The following LIMCH1 variants were observed in gnomAD, a reference collection of about 807,000 sequenced individuals.
The protein encoded by LIMCH1 is LIM and calponin homology domains-containing protein 1.
In LIMCH1, 113 loss-of-function variants were observed where a neutral mutation model predicts 176.5. That is an observed-to-expected ratio of 0.64 (90% CI 0.55 to 0.75). LIMCH1 has a LOEUF of 0.75. LIMCH1 is among the 30% of genes least tolerant of loss of function. The probability of loss-of-function intolerance (pLI) is 0.00; values close to 1 mark genes in which losing one functional copy is unlikely to be tolerated. For missense variants in LIMCH1, 1,674 were observed against 1,814.9 expected (o/e 0.92, Z 1.41); for synonymous variants, 619 against 645.9 (o/e 0.96, Z 0.63).
At chr4:41,642,018 T>C (rs1485391620) in intron 14 of LIMCH1, among the ~76,000 whole-genome samples, 1 of 152,126 alleles carries the variant, frequency 6.6e-6, no homozygotes, top group Non-Finnish European at 1.5e-5. Flanking sequence ...GCCCATTGGG[T>C]GAGATAATCA....
intron 3 of LIMCH1, among the ~76,000 whole-genome samples, chr4:41,527,975 A>G (rs1357543124): frequency 2.0e-5 from 3 of 152,204 alleles, no homozygotes; most frequent in Non-Finnish European, 2.9e-5. Context: ...TATTGAGACA[A>G]TTAGGGAAAT....
intron 1 of LIMCH1, among the ~76,000 whole-genome samples, chr4:41,403,188 T>G (rs2058639495): frequency 6.6e-6 from 1 of 152,010 alleles, no homozygotes; most frequent in African/African-American, 2.4e-5. Context: ...GACATTTTAT[T>G]ACTAAAATTT....
At chr4:41,366,811 C>T (rs1322305195) in intron 1 of LIMCH1, among the ~76,000 whole-genome samples, 4 of 152,160 alleles carry the variant, frequency 2.6e-5, no homozygotes, top group African/African-American at 4.8e-5. Context: ...CAAAGAGATG[C>T]CCATGCATCT....
chr4:41,653,513 A>G (rs1470449454), intron 18 of LIMCH1, among the ~76,000 whole-genome samples: 1 of 152,210 alleles, frequency 6.6e-6, no homozygotes, highest in Non-Finnish European at 1.5e-5. Context: ...TTCTTTTTAA[A>G]TAGTGTCTTT....
At chr4:41,415,805 G>A (rs1340454089) in intron 1 of LIMCH1, among the ~76,000 whole-genome samples, 3 of 151,110 alleles carry the variant, frequency 2.0e-5, no homozygotes, top group Non-Finnish European at 2.9e-5. Context: ...GTGAAACCCC[G>A]TGTCTACTAA....
intron 3 of LIMCH1, among the ~76,000 whole-genome samples, chr4:41,527,148 G>A (rs1465202078): frequency 6.6e-6 from 1 of 152,110 alleles, no homozygotes; most frequent in Admixed American, 6.6e-5. Flanking sequence ...GAAACCTTTA[G>A]TATTTATAGT....
chr4:41,541,876 C>T (rs1583749991), intron 1 of LIMCH1, among the ~76,000 whole-genome samples: 1 of 152,302 alleles, frequency 6.6e-6, no homozygotes, highest in East Asian at 1.9e-4. Flanking sequence ...GTAAACAGCC[C>T]CTTGGCTATT....
At chr4:41,613,041 A>T (rs1262399277) in intron 4 of LIMCH1, 1 of 1,552,070 alleles carries the variant, frequency 6.4e-7, no homozygotes, top group Non-Finnish European at 8.7e-7. Flanking sequence ...GCACAGCTAA[A>T]CCAGGGGCTC....
intron 21 of LIMCH1, among the ~76,000 whole-genome samples, chr4:41,666,905 G>A (rs188429098): frequency 5.3e-5 from 8 of 152,212 alleles, no homozygotes; most frequent in African/African-American, 1.9e-4. Context: ...GGCACTATAG[G>A]CACAATAGAG....
chr4:41,404,713 A>G (rs2058786032), intron 1 of LIMCH1, among the ~76,000 whole-genome samples: 2 of 152,166 alleles, frequency 1.3e-5, no homozygotes, highest in Non-Finnish European at 2.9e-5. Context: ...TGGGAGGCAA[A>G]GGTTGCGGTG....
At chr4:41,425,449 C>T (rs999786414) in intron 1 of LIMCH1, among the ~76,000 whole-genome samples, 2 of 152,174 alleles carry the variant, frequency 1.3e-5, no homozygotes, top group Non-Finnish European at 2.9e-5. Context: ...CGGGTTCAAG[C>T]GATTCTCCCA....
intron 3 of LIMCH1, chr4:41,604,121 C>T (rs1448713315): frequency 2.4e-6 from 2 of 818,930 alleles, no homozygotes; most frequent in Non-Finnish European, 2.9e-6. Flanking sequence ...GATAAGTGCT[C>T]AATCCAGAAA....
At chr4:41,602,124 CAA>C (rs540240960) in intron 2 of LIMCH1, among the ~76,000 whole-genome samples, 6 of 73,296 alleles carry the variant, frequency 8.2e-5, no homozygotes, top group Admixed American at 1.7e-4. Flanking sequence ...TTGAGTAGAC[CAA>C]AAAAAAAAAA....
chr4:41,676,981 G>T (rs934279110), intron 23 of LIMCH1, among the ~76,000 whole-genome samples: 6 of 151,752 alleles, frequency 4.0e-5, no homozygotes, highest in African/African-American at 1.5e-4. Context: ...TGGCCAACAT[G>T]ACGAAACCCC....
rs1230712752 is a variant in LIMCH1 at position 41,619,187 on chromosome 4, G to T, written c.206-1G>T. The T allele has an allele frequency of 6.2e-7, 1 of 1,614,070 alleles. No homozygotes were observed. The highest frequency in any genetic ancestry group is 1.3e-5 in the African/African-American group (1 of 75,016). On this transcript the variant is annotated splice_acceptor_variant, in intron 5 of 31. Transcript: ENST00000503057. LOFTEE classifies it high-confidence loss of function. The stretch of plus-strand genomic sequence containing the variant: ...CTCAGTACCCATCCTCTCTTCCCTA[G>T]GGAGAGGAAGCGACTCTGAATCCGA...
At chr4:41,653,683 CAG>C (rs2094379079) in intron 18 of LIMCH1, among the ~76,000 whole-genome samples, 2 of 152,220 alleles carry the variant, frequency 1.3e-5, no homozygotes, top group South Asian at 4.1e-4. Flanking sequence ...GGGAGAACAA[CAG>C]AGAAGGGCGG....
At chr4:41,361,008 C>T in intron 1 of LIMCH1, 2 of 1,148,420 alleles carry the variant, frequency 1.7e-6, no homozygotes, top group East Asian at 3.1e-5. Context: ...GCTCCGACCG[C>T]AGGTCCAGCC....
chr4:41,663,791 G>C (rs143552770), intron 20 of LIMCH1, among the ~76,000 whole-genome samples: 1 of 144,850 alleles, frequency 6.9e-6, no homozygotes, highest in East Asian at 2.0e-4. Flanking sequence ...GCCAGGGCAG[G>C]AGGATCACTT....
Position 41,680,245 on chromosome 4 carries a change from T to G in LIMCH1, c.3612+147T>G. On this transcript the variant is annotated intron_variant, in intron 24 of 31. Transcript: ENST00000503057. ...AATCCCATCAAGCTCTTTAAAACAG[T>G]CATGTCATTTAGGTTCTAAAAGACC... is the stretch of plus-strand genomic sequence containing the variant. 2 of 634,658 alleles carry G rather than the reference T, an allele frequency of 3.2e-6. 1 individual carries two copies. The highest frequency in any genetic ancestry group is 5.7e-6 in the Non-Finnish European group (2 of 351,410). The allele number at this position is 634,658 out of a possible 1,614,324, so 39.3% of individuals were successfully genotyped here.
Sources: gnomAD v4.1 joint callset for allele counts (sites outside exome capture counted in the v4.1 genomes callset) on GRCh38, gnomAD v4.1.1 for gene constraint, MANE v1.5 for transcripts, NCBI Gene and HGNC (gene_info 2026-07-23, HGNC 2026-07-21) for gene names.